The following LYSMD3 variants were observed in gnomAD, a reference collection of about 807,000 sequenced individuals.
LYSMD3 encodes LysM domain containing 3.
LYSMD3 carries 13 observed loss-of-function variants against 26.1 expected under a neutral mutation model. That is an observed-to-expected ratio of 0.50 (90% CI 0.32 to 0.79). The LOEUF is 0.79. Among genes scored for constraint, LYSMD3 ranks in the 30% least tolerant of loss-of-function variants. LYSMD3 has a pLI of 0.03. For missense variants in LYSMD3, 331 were observed against 362.5 expected (o/e 0.91, Z 0.71); for synonymous variants, 109 against 119.4 (o/e 0.91, Z 0.57).
intron 2 of LYSMD3, among the ~76,000 whole-genome samples, chr5:90,521,902 ATTT>A (rs1396324255): frequency 6.6e-6 from 1 of 152,098 alleles, no homozygotes; most frequent in Non-Finnish European, 1.5e-5. Context: ...TACTTACTGT[ATTT>A]TTTAAATGAT....
At position 90,519,121 on chromosome 5, in the gene LYSMD3, C is replaced by A. The variant is rs1332324405; in HGVS notation, c.619G>T (p.Asp207Tyr). The change falls in exon 3 of 3, where the codon GAC (aspartate) becomes TAC (tyrosine). Residue 207 changes from aspartate to tyrosine, a missense_variant. This residue lies in a region of LYSMD3 where 262 missense variants were observed against 267.3 expected (regional missense o/e 0.98). Transcript: ENST00000315948. Reference sequence around the variant, plus strand: ...CCCCAGTCTGCTCCATAATAGGGGTCTTTACGTTGAGTGTTTTTGTTATCA... The same window carrying A: ...CCCCAGTCTGCTCCATAATAGGGGTATTTACGTTGAGTGTTTTTGTTATCA... The part of the protein sequence containing the change: ...EPDNKNTQRK[D>Y]PYYGADWGIG... 2 of 1,614,092 alleles carry A rather than the reference C, an allele frequency of 1.2e-6. No individual in the cohort carries two copies. The highest frequency in any genetic ancestry group is 2.2e-5 in the East Asian group (1 of 44,878).
rs1325861314 is a variant in LYSMD3, at chr5:90,518,572, T to C, written c.*247A>G. On this transcript the variant is annotated 3_prime_UTR_variant, in exon 3 of 3. Transcript: ENST00000315948. ...AAAATGATACATCTTCCAAGTTAAG[T>C]ACTTCCTAAACACACATTTAAATTA... 2.6e-6 allele frequency: 1 copy of C among 377,666 alleles called. No homozygotes were observed. 23.4% of individuals were successfully genotyped at this position (377,666 alleles called of 1,614,324 possible).
chr5:90,516,203 C>T lies in LYSMD3; in HGVS notation c.*2616G>A. On this transcript the variant is annotated 3_prime_UTR_variant, in exon 3 of 3. Transcript: ENST00000315948. ...TGAGTCTTCTAATTTTTAATGTGGC[C>T]AGCAGAGTGTGTAACCATTTTTAAC... 6.6e-6 allele frequency: 1 copy of T among 151,976 alleles called. No individual in the cohort carries two copies. Among genetic ancestry groups the T allele is most frequent in the East Asian group, 1.9e-4 (1 of 5,200 alleles). The allele number at this position is 151,976 out of a possible 1,614,324, so 9.4% of individuals were successfully genotyped here.
Position 90,519,331 on chromosome 5 carries a change from A to G in LYSMD3, c.409T>C (p.Tyr137His), listed in dbSNP as rs772671417. 6 of 1,614,028 alleles carry G rather than the reference A, an allele frequency of 3.7e-6. No individual in the cohort carries two copies. In the Admixed American group the frequency reaches 6.7e-5, roughly 18 times the overall value. Residue 137 changes from tyrosine to histidine, a missense_variant, in exon 3 of 3, where the codon TAC becomes CAC. This residue lies in a region of LYSMD3 where 262 missense variants were observed against 267.3 expected (regional missense o/e 0.98). Transcript: ENST00000315948. ...AAAATTTCCTGTTGTTCGGAAGAGT[A>G]TTGAACAGATGAATGACGTGAAGTC... ...RQTSRHSSVQYSSEQQEILPA... is the reference protein window; with the variant it reads ...RQTSRHSSVQHSSEQQEILPA...
intron 2 of LYSMD3, among the ~76,000 whole-genome samples, chr5:90,523,392 C>A (rs891025373): frequency 6.6e-6 from 1 of 151,608 alleles, no homozygotes; most frequent in Non-Finnish European, 1.5e-5. Context: ...AACCTCATGA[C>A]CATAATTTTT....
chr5:90,522,981 C>G (rs922573338), intron 2 of LYSMD3, among the ~76,000 whole-genome samples: 1 of 152,146 alleles, frequency 6.6e-6, no homozygotes, highest in Admixed American at 6.5e-5. Context: ...AAGCTAATGT[C>G]TTATAAAACT....
Position 90,518,804 on chromosome 5 carries a change from A to T in LYSMD3, c.*15T>A. 6.2e-7 allele frequency: 1 copy of T among 1,601,324 alleles called. No individual in the cohort carries two copies. The highest frequency in any genetic ancestry group is 8.5e-7 in the Non-Finnish European group (1 of 1,173,030). On this transcript the variant is annotated 3_prime_UTR_variant, in exon 3 of 3. Transcript: ENST00000315948. The stretch of plus-strand genomic sequence containing the variant: ...ATGCACATGTGACCACTAACATTTG[A>T]TTATGAGCTAATTGCTATGTTTCCT...
intron 1 of LYSMD3, among the ~76,000 whole-genome samples, chr5:90,525,981 T>C (rs1753213869): frequency 6.6e-6 from 1 of 152,218 alleles, no homozygotes; most frequent in South Asian, 2.1e-4. Flanking sequence ...CCCCTTATTC[T>C]GAGTATGTGA....
chr5:90,521,588 T>C (rs375269628), intron 2 of LYSMD3, among the ~76,000 whole-genome samples: 7 of 152,242 alleles, frequency 4.6e-5, no homozygotes, highest in East Asian at 1.9e-4. Flanking sequence ...TTTTGTCTTA[T>C]AGCAAATGAA....
In LYSMD3 at chr5:90,519,492, G is replaced by GC; in HGVS notation, c.256-9_256-8insG. The GC allele has an allele frequency of 3.9e-6, 6 of 1,544,222 alleles. No homozygotes were observed. The highest frequency in any genetic ancestry group is 5.2e-6 in the Non-Finnish European group (6 of 1,150,498). On this transcript the variant is annotated splice_polypyrimidine_tract_variant and intron_variant, in intron 2 of 2. Coordinates refer to ENST00000315948, the MANE Select transcript of LYSMD3 (RefSeq NM_198273.2). ...TCTCTTGATATCTGCTACCTGTGGGGGGGAAAAAAAAGCAACATACAACTG... is the reference window on the plus strand; with the variant it reads ...TCTCTTGATATCTGCTACCTGTGGGGCGGGAAAAAAAAGCAACATACAACTG...
Position 90,527,724 on chromosome 5 carries a change from C to T in LYSMD3, c.-12+1724G>A, listed in dbSNP as rs539148996. 2.0e-5 allele frequency among the ~76,000 whole-genome samples: 3 copies of T among 152,250 alleles called. No homozygotes were observed. In the East Asian group the frequency reaches 5.8e-4, roughly 29 times the overall value. Reference sequence around the variant, plus strand: ...ATGTATATGCAAACATTCCAAAATCCAAAGAAATCTGAAACACTTCCGGTC... The same window carrying T: ...ATGTATATGCAAACATTCCAAAATCTAAAGAAATCTGAAACACTTCCGGTC... On this transcript the variant is annotated intron_variant, in intron 1 of 2. Coordinates refer to ENST00000315948, the MANE Select transcript of LYSMD3 (RefSeq NM_198273.2).
chr5:90,524,367 T>G (rs1753164816), intron 2 of LYSMD3, among the ~76,000 whole-genome samples: 1 of 152,134 alleles, frequency 6.6e-6, no homozygotes, highest in Non-Finnish European at 1.5e-5. Flanking sequence ...CAAAAAAAGG[T>G]AAAGCATTCC....
intron 1 of LYSMD3, among the ~76,000 whole-genome samples, chr5:90,527,887 TA>T (rs1478135637): frequency 6.6e-6 from 1 of 152,200 alleles, no homozygotes; most frequent in Non-Finnish European, 1.5e-5. Flanking sequence ...GGCAATATTA[TA>T]ATGCTTTAAA....
intron 2 of LYSMD3, among the ~76,000 whole-genome samples, chr5:90,523,085 ACAT>A (rs2151921621): frequency 6.6e-6 from 1 of 152,242 alleles, no homozygotes; most frequent in South Asian, 2.1e-4. Flanking sequence ...ACCTTCTATG[ACAT>A]ATTCTGTAAT....
chr5:90,527,440 C>T (rs981360499), intron 1 of LYSMD3, among the ~76,000 whole-genome samples: 18 of 140,488 alleles, frequency 1.3e-4, no homozygotes, highest in African/African-American at 4.8e-4. Flanking sequence ...CTGTTAAGCA[C>T]TTATGTGTGA....
chr5:90,529,393 G>A (rs603870), intron 1 of LYSMD3, 55 bp downstream of exon 1: 156,848 of 456,090 alleles, frequency 0.34, 30,328 homozygotes, highest in Non-Finnish European at 0.42. Context: ...CGCAGCTGGG[G>A]CTCAACCCCG....
At chr5:90,526,027 A>G (rs1279371452) in intron 1 of LYSMD3, among the ~76,000 whole-genome samples, 3 of 152,202 alleles carry the variant, frequency 2.0e-5, no homozygotes, top group Admixed American at 2.0e-4. Context: ...ATGTCTTAAA[A>G]ACTTGTGACT....
intron 2 of LYSMD3, among the ~76,000 whole-genome samples, chr5:90,524,612 A>G (rs1753170838): frequency 2.6e-5 from 4 of 152,206 alleles, no homozygotes; most frequent in African/African-American, 9.7e-5. Context: ...CCTTTTTTGG[A>G]GACGGAGTCT....
chr5:90,525,361 C>A, intron 1 of LYSMD3, 61 bp from the exon 2 acceptor site: 1 of 1,431,514 alleles, frequency 7.0e-7, no homozygotes, highest in Non-Finnish European at 9.5e-7. Flanking sequence ...GACTGATTTG[C>A]ATGCATCGTA....
Sources: gnomAD v4.1 joint callset for allele counts (sites outside exome capture counted in the v4.1 genomes callset) on GRCh38, gnomAD v4.1.1 for gene constraint, gnomAD v4.1.1 regional missense constraint, MANE v1.5 for transcripts, NCBI Gene and HGNC (gene_info 2026-07-23, HGNC 2026-07-21) for gene names.